SHOC2: variants seen among roughly 807,000 people sequenced by gnomAD.
The protein encoded by SHOC2 is leucine-rich repeat protein SHOC-2.
In SHOC2, 4 loss-of-function variants were observed where a neutral mutation model predicts 50.2. The ratio of observed to expected loss-of-function variants is 0.08; its 90% CI spans 0.04 to 0.18. SHOC2 has a LOEUF of 0.18. Ranked by LOEUF, SHOC2 falls within the 10% of genes least tolerant of loss-of-function variation. The pLI, the probability that SHOC2 is intolerant of heterozygous loss-of-function variation, is 1.00. For synonymous variants in SHOC2, 218 were observed against 244.5 expected, an observed-to-expected ratio of 0.89 and a Z score of 1.01; for missense variants, 388 against 669.6, an observed-to-expected ratio of 0.58 and a Z score of 4.64.
intron 2 of SHOC2, among the ~76,000 whole-genome samples, chr10:110,971,508 T>C (rs1354413496): frequency 2.0e-5 from 3 of 152,150 alleles, no homozygotes; most frequent in African/African-American, 7.2e-5. Context: ...TTGTCCTTTT[T>C]GCCCAGTATT....
At chr10:110,936,229 T>C (rs1026620999) in intron 1 of SHOC2, among the ~76,000 whole-genome samples, 2 of 151,862 alleles carry the variant, frequency 1.3e-5, no homozygotes, top group Non-Finnish European at 2.9e-5. Flanking sequence ...CCTGAGTAGC[T>C]GGGATTACAG....
chr10:110,980,272 T>G (rs1426012515), intron 2 of SHOC2, among the ~76,000 whole-genome samples: 2 of 151,760 alleles, frequency 1.3e-5, no homozygotes, highest in East Asian at 2.0e-4. Context: ...TTCTCCTGCC[T>G]CAGCCTCCCG....
chr10:110,959,632 T>C (rs1182526997), intron 1 of SHOC2, among the ~76,000 whole-genome samples: 2 of 152,252 alleles, frequency 1.3e-5, no homozygotes, highest in Admixed American at 6.5e-5. Context: ...TACAGCTTAC[T>C]GTTCCCTACC....
At chr10:110,946,980 A>G (rs1441629171) in intron 1 of SHOC2, among the ~76,000 whole-genome samples, 1 of 152,202 alleles carries the variant, frequency 6.6e-6, no homozygotes, top group Non-Finnish European at 1.5e-5. Context: ...AGACAAAAAT[A>G]CCTTCACAAG....
At chr10:110,990,458 A>G (rs1407365373) in intron 3 of SHOC2, among the ~76,000 whole-genome samples, 2 of 152,166 alleles carry the variant, frequency 1.3e-5, no homozygotes, top group Non-Finnish European at 2.9e-5. Context: ...AACACTCTGT[A>G]TCTAGCTGCT....
At chr10:111,005,432 C>T (rs1359579773) in intron 5 of SHOC2, among the ~76,000 whole-genome samples, 1 of 152,132 alleles carries the variant, frequency 6.6e-6, no homozygotes, top group African/African-American at 2.4e-5. Flanking sequence ...CATTAAAAAT[C>T]ATATTTTGGT....
At chr10:110,940,930 T>TGG (rs1564705806) in intron 1 of SHOC2, among the ~76,000 whole-genome samples, 2 of 122,126 alleles carry the variant, frequency 1.6e-5, no homozygotes, top group Admixed American at 8.4e-5. Flanking sequence ...TTTTTTTTTT[T>TGG]TTTTTTTTTT....
At chr10:110,999,456 A>T (rs1156597335) in intron 3 of SHOC2, among the ~76,000 whole-genome samples, 1 of 151,946 alleles carries the variant, frequency 6.6e-6, no homozygotes, top group Non-Finnish European at 1.5e-5. Flanking sequence ...TAAAATGCTC[A>T]GCTGGGCGCA....
chr10:110,972,116 T>C (rs1847793570), intron 2 of SHOC2, among the ~76,000 whole-genome samples: 1 of 150,876 alleles, frequency 6.6e-6, no homozygotes, highest in Non-Finnish European at 1.5e-5. Context: ...TTTTATTTTA[T>C]ATTTTAGTAT....
At chr10:110,971,191 T>G (rs779003613) in intron 2 of SHOC2, among the ~76,000 whole-genome samples, 1 of 152,148 alleles carries the variant, frequency 6.6e-6, no homozygotes, top group Non-Finnish European at 1.5e-5. Flanking sequence ...GTTCTTGACA[T>G]TTAAGTCTTC....
rs56314441 is a variant in SHOC2, at chr10:111,010,334, A to G, written c.1540+504A>G. On this transcript the variant is annotated intron_variant, in intron 8 of 8. Coordinates refer to ENST00000369452, the MANE Select transcript of SHOC2 (RefSeq NM_007373.4). ...TGCAAGTTGTAATCTTGCTTTATAA[A>G]GAGAATTACTTGATTAAGGTAATTA... Among the ~76,000 whole-genome samples, 271 of 152,288 alleles carry G rather than the reference A, an allele frequency of 1.8e-3. 1 individual carries two copies. Among genetic ancestry groups the G allele is most frequent in the Admixed American group, 4.8e-3 (73 of 15,298 alleles).
At chr10:110,924,202 G>T (rs1171847250) in intron 1 of SHOC2, among the ~76,000 whole-genome samples, 2 of 152,214 alleles carry the variant, frequency 1.3e-5, no homozygotes, top group East Asian at 3.8e-4. Context: ...CCCAGGCTCT[G>T]TGGATACAGA....
At chr10:110,945,895 G>A (rs892716225) in intron 1 of SHOC2, among the ~76,000 whole-genome samples, 1 of 152,044 alleles carries the variant, frequency 6.6e-6, no homozygotes, top group Admixed American at 6.5e-5. Context: ...CCCCCAATCA[G>A]GTTCTGATTC....
chr10:110,963,323 C>CT (rs1176493469), intron 1 of SHOC2, among the ~76,000 whole-genome samples: 1 of 152,086 alleles, frequency 6.6e-6, no homozygotes, highest in Non-Finnish European at 1.5e-5. Flanking sequence ...TGCCATTGAT[C>CT]TTTCTTTTTC....
chr10:110,945,803 C>A (rs1371187297), intron 1 of SHOC2, among the ~76,000 whole-genome samples: 1 of 152,126 alleles, frequency 6.6e-6, no homozygotes, highest in African/African-American at 2.4e-5. Flanking sequence ...ATCAATCAAG[C>A]CTATTATGTA....
intron 1 of SHOC2, among the ~76,000 whole-genome samples, chr10:110,961,213 T>C (rs1434426526): frequency 6.6e-6 from 1 of 152,198 alleles, no homozygotes; most frequent in Non-Finnish European, 1.5e-5. Context: ...TGTATTCTAT[T>C]ACCTAAATGA....
At chr10:110,963,157 A>G (rs1404307919) in intron 1 of SHOC2, among the ~76,000 whole-genome samples, 2 of 152,234 alleles carry the variant, frequency 1.3e-5, no homozygotes, top group African/African-American at 4.8e-5. Context: ...TAGAGTTAAC[A>G]ATAGAGTCAT....
At chr10:110,938,297 T>C (rs552192569) in intron 1 of SHOC2, among the ~76,000 whole-genome samples, 8 of 152,290 alleles carry the variant, frequency 5.3e-5, no homozygotes, top group African/African-American at 1.7e-4. Context: ...CCCATTTCTT[T>C]TATGTGACTG....
chr10:110,984,487 C>T (rs1325593296), intron 2 of SHOC2, among the ~76,000 whole-genome samples: 8 of 152,176 alleles, frequency 5.3e-5, no homozygotes, highest in South Asian at 4.1e-4. Context: ...CTCTGATGCA[C>T]TAAAGTTTTA....
Sources: gnomAD v4.1 joint callset for allele counts (sites outside exome capture counted in the v4.1 genomes callset) on GRCh38, gnomAD v4.1.1 for gene constraint, MANE v1.5 for transcripts, NCBI Gene and HGNC (gene_info 2026-07-23, HGNC 2026-07-21) for gene names.